Variants in ASH1L observed in about 807,000 individuals in gnomAD.
ASH1L encodes ASH1 like histone lysine methyltransferase.
Under a neutral mutation model 269.0 loss-of-function variants are expected in ASH1L, and 23 were observed. The ratio of observed to expected loss-of-function variants is 0.09; its 90% confidence interval spans 0.06 to 0.12. The LOEUF (loss-of-function observed/expected upper bound fraction) is 0.12, where lower values mean the gene tolerates loss of function less well. ASH1L is among the 10% of genes least tolerant of loss of function. ASH1L has a pLI of 1.00. For synonymous variants in ASH1L, 1,187 were observed against 1,253.5 expected (o/e 0.95, Z 1.12); for missense variants, 2,912 against 3,567.8 (o/e 0.82, Z 4.68).
chr1:155,438,838 C>T lies in ASH1L; in HGVS notation c.5317G>A (p.Asp1773Asn), dbSNP rs370591853. Residue 1773 changes from aspartate to asparagine, a missense_variant, in exon 5 of 28, where the codon GAC becomes AAC. Around this residue, in one of 13 missense-constraint regions of ASH1L, gnomAD observed 789 missense variants for 897.6 expected, o/e 0.88. Transcript: ENST00000392403. ...DSLLVPAVTS[D>N]SCNNSISLLS... ...AGTGAGATGCTATTATTGCAAGAGT[C>T]ACTTGTGACTGCAGGCACTAAAAGG... The T allele has an allele frequency of 1.2e-4, 193 of 1,614,054 alleles. No homozygotes were observed. The highest frequency in any genetic ancestry group is 1.7e-4 in the Admixed American group (10 of 60,002).
At chr1:155,516,080 A>T (rs995699888) in intron 2 of ASH1L, among the ~76,000 whole-genome samples, 2 of 152,078 alleles carry the variant, frequency 1.3e-5, no homozygotes, top group African/African-American at 4.8e-5. Flanking sequence ...CTATAGTACC[A>T]GCAACTACTA....
At chr1:155,435,742 T>C (rs753628597) in intron 5 of ASH1L, among the ~76,000 whole-genome samples, 1 of 152,052 alleles carries the variant, frequency 6.6e-6, no homozygotes, top group African/African-American at 2.4e-5. Context: ...GAACATTAAA[T>C]TGGTTCATTA....
At chr1:155,367,570 T>C (rs1655546639) in intron 12 of ASH1L, among the ~76,000 whole-genome samples, 1 of 152,202 alleles carries the variant, frequency 6.6e-6, no homozygotes, top group African/African-American at 2.4e-5. Context: ...TTATGTATAA[T>C]GGTAGCTAAA....
At position 155,438,305 on chromosome 1, in the gene ASH1L, AAT is replaced by A; in HGVS notation, c.5828+20_5828+21del. 3 of 1,524,290 alleles carry A rather than the reference AAT, an allele frequency of 2.0e-6. No homozygotes were observed. Among genetic ancestry groups the A allele is most frequent in the Middle Eastern group, 3.5e-4 (2 of 5,650 alleles). The allele number at this position is 1,524,290 out of a possible 1,614,324, so 94.4% of individuals were successfully genotyped here. On this transcript the variant is annotated intron_variant, in intron 5 of 27. Coordinates refer to ENST00000392403, the MANE Select transcript of ASH1L (RefSeq NM_018489.3). ...CAAAGCTAGTTTCCTCTACTCAGAT[AAT>A]ATGTTAAATGAGGAATTACCTTTTA...
intron 1 of ASH1L, among the ~76,000 whole-genome samples, chr1:155,542,077 G>A (rs16836868): frequency 0.06 from 9,137 of 152,106 alleles, 929 homozygotes; most frequent in African/African-American, 0.21. Context: ...CAAAGTTAAC[G>A]TAGATCAAAA....
chr1:155,490,246 G>A (rs547253810), intron 2 of ASH1L, among the ~76,000 whole-genome samples: 42 of 151,942 alleles, frequency 2.8e-4, no homozygotes, highest in Non-Finnish European at 7.4e-5. Context: ...TTACAGGTGT[G>A]AGCCACCATG....
At chr1:155,338,499 C>G (rs1652504921) in intron 26 of ASH1L, 109 bp from the exon 27 acceptor site, 2 of 951,072 alleles carry the variant, frequency 2.1e-6, no homozygotes, top group Admixed American at 5.5e-5. Context: ...CAGTTAGAGC[C>G]TTAGCTTGAG....
At chr1:155,518,946 A>G (rs1426332590) in intron 2 of ASH1L, among the ~76,000 whole-genome samples, 2 of 152,188 alleles carry the variant, frequency 1.3e-5, no homozygotes, top group Admixed American at 1.3e-4. Flanking sequence ...TAGCCACTGT[A>G]AAAGTGTACA....
At chr1:155,466,703 AG>A (rs1341842982) in intron 3 of ASH1L, among the ~76,000 whole-genome samples, 1 of 152,216 alleles carries the variant, frequency 6.6e-6, no homozygotes, top group Non-Finnish European at 1.5e-5. Flanking sequence ...TTTCTGTGTC[AG>A]GAACATTTCA....
Position 155,491,791 on chromosome 1 carries a change from T to G in ASH1L, c.421-9342A>C, listed in dbSNP as rs575293489. On this transcript the variant is annotated intron_variant, in intron 2 of 27. Transcript: ENST00000392403. The stretch of plus-strand genomic sequence containing the variant: ...TTCAAGCAATTCTTGTGCCTCAGCC[T>G]CCCAAGTAGCTAGCTGGTTTACAGG... Among the ~76,000 whole-genome samples, 42 of 152,082 alleles carry G rather than the reference T, an allele frequency of 2.8e-4. No individual in the cohort carries two copies. The East Asian group carries it at 7.6e-3, about 27-fold the overall frequency.
At chr1:155,450,232 G>A (rs558453202) in intron 4 of ASH1L, among the ~76,000 whole-genome samples, 3 of 152,026 alleles carry the variant, frequency 2.0e-5, no homozygotes, top group Non-Finnish European at 4.4e-5. Context: ...CTTTACAATC[G>A]TTTTCCAGAA....
chr1:155,341,303 A>G (rs1652777922), intron 25 of ASH1L, among the ~76,000 whole-genome samples: 1 of 151,768 alleles, frequency 6.6e-6, no homozygotes, highest in South Asian at 2.1e-4. Flanking sequence ...CAGCCTCCCG[A>G]GTAGCTGGGA....
At chr1:155,518,681 C>G (rs1242022155) in intron 2 of ASH1L, among the ~76,000 whole-genome samples, 1 of 5,180 alleles carries the variant, frequency 1.9e-4, no homozygotes, top group Non-Finnish European at 3.6e-4. Flanking sequence ...AGCTTGAGAA[C>G]GGGGGCGGTG....
intron 2 of ASH1L, among the ~76,000 whole-genome samples, chr1:155,492,053 T>G (rs1428890129): frequency 5.4e-5 from 8 of 148,116 alleles, no homozygotes; most frequent in African/African-American, 2.0e-4. Flanking sequence ...TTTTTTTTTT[T>G]GATGGAGTTT....
chr1:155,362,185 C>T (rs781100285), intron 12 of ASH1L, among the ~76,000 whole-genome samples: 1 of 151,934 alleles, frequency 6.6e-6, no homozygotes, highest in Non-Finnish European at 1.5e-5. Context: ...TAGGCACGTG[C>T]CACCACGCCC....
At chr1:155,461,090 G>T (rs1664266265) in intron 3 of ASH1L, among the ~76,000 whole-genome samples, 1 of 152,076 alleles carries the variant, frequency 6.6e-6, no homozygotes, top group African/African-American at 2.4e-5. Context: ...CATGTAACTG[G>T]AGCCGCAAAA....
intron 5 of ASH1L, among the ~76,000 whole-genome samples, chr1:155,421,672 A>G (rs1429439951): frequency 6.6e-6 from 1 of 150,794 alleles, no homozygotes; most frequent in Non-Finnish European, 1.5e-5. Flanking sequence ...CTCCATCTCA[A>G]AAAAAAAAAC....
intron 10 of ASH1L, among the ~76,000 whole-genome samples, chr1:155,376,691 A>T (rs982503538): frequency 2.0e-5 from 3 of 150,948 alleles, no homozygotes; most frequent in East Asian, 2.0e-4. Flanking sequence ...AAAATAAATT[A>T]AAAAAATACA....
intron 1 of ASH1L, among the ~76,000 whole-genome samples, chr1:155,531,387 C>A (rs2148867519): frequency 6.6e-6 from 1 of 151,444 alleles, no homozygotes; most frequent in South Asian, 2.1e-4. Flanking sequence ...GAAACAGAGT[C>A]TCCCTGTCAC....
Sources: gnomAD v4.1 joint callset for allele counts (sites outside exome capture counted in the v4.1 genomes callset) on GRCh38, gnomAD v4.1.1 for gene constraint, gnomAD v4.1.1 regional missense constraint, MANE v1.5 for transcripts, NCBI Gene and HGNC (gene_info 2026-07-23, HGNC 2026-07-21) for gene names.